ADAMTS12: variants seen among roughly 807,000 people sequenced by gnomAD.
ADAMTS12 encodes ADAM metallopeptidase with thrombospondin type 1 motif 12.
A neutral mutation model predicts 167.8 loss-of-function variants in ADAMTS12; 118 were observed. That is an observed-to-expected ratio of 0.70 (90% CI 0.61 to 0.82). The LOEUF (loss-of-function observed/expected upper bound fraction) is 0.82, where lower values mean the gene tolerates loss of function less well. ADAMTS12 is among the 40% of genes least tolerant of loss of function. ADAMTS12 has a pLI of 0.00. For synonymous variants in ADAMTS12, 704 were observed against 716.9 expected (o/e 0.98, Z 0.29); for missense variants, 1,916 against 1,998.8 (o/e 0.96, Z 0.79).
chr5:33,785,021 T>C (rs1260104815), intron 2 of ADAMTS12, among the ~76,000 whole-genome samples: 2 of 152,036 alleles, frequency 1.3e-5, no homozygotes, highest in Non-Finnish European at 2.9e-5. Flanking sequence ...CCCTTGCTCA[T>C]AGGTTAATTA....
rs548093400 is a variant in ADAMTS12 at position 33,872,233 on chromosome 5, G to A, written c.489+8886C>T. Among the ~76,000 whole-genome samples, 27 of 152,190 alleles carry A rather than the reference G, an allele frequency of 1.8e-4. 1 individual carries two copies. In the South Asian group the frequency reaches 1.9e-3, roughly 11 times the overall value. On this transcript the variant is annotated intron_variant, in intron 2 of 23. Transcript: ENST00000504830. ...GTGGGGCCAGCATCACCCTAACACC[G>A]AAACCAAAGTCATTACAAGAAAAGA...
At chr5:33,597,136 T>C (rs1391449284) in intron 16 of ADAMTS12, among the ~76,000 whole-genome samples, 1 of 152,108 alleles carries the variant, frequency 6.6e-6, no homozygotes, top group Non-Finnish European at 1.5e-5. Context: ...CACAGTGAAG[T>C]CACAAAGGTT....
At chr5:33,681,642 T>G (rs191653055) in intron 5 of ADAMTS12, among the ~76,000 whole-genome samples, 22 of 152,314 alleles carry the variant, frequency 1.4e-4, no homozygotes, top group Admixed American at 1.2e-3. Context: ...GCCATCATTC[T>G]GTGATGAAAA....
chr5:33,695,493 A>G (rs1235304905), intron 3 of ADAMTS12, among the ~76,000 whole-genome samples: 2 of 152,250 alleles, frequency 1.3e-5, no homozygotes, highest in East Asian at 3.8e-4. Context: ...TATACAATAC[A>G]ATGAAATATT....
chr5:33,751,534 T>G lies in ADAMTS12; in HGVS notation c.504A>C (p.Gln168His), dbSNP rs755596832. The G allele has an allele frequency of 6.2e-7, 1 of 1,613,918 alleles. No individual in the cohort carries two copies. Residue 168 changes from glutamine (Q) to histidine (H), a missense_variant, in exon 3 of 24, where the codon CAA (glutamine) becomes CAC (histidine). Physicochemically the swap from Gln to His is conservative, Grantham distance 24 (BLOSUM62 0). Coordinates refer to ENST00000504830, the MANE Select transcript of ADAMTS12 (RefSeq NM_030955.4). Reference protein sequence around the residue: ...SACHGLTGFFQLPHGDFFIEP... With the variant: ...SACHGLTGFFHLPHGDFFIEP... ...CAATGAAAAAGTCTCCATGTGGTAG[T>G]TGGAAAAATCCAGTCTGTAAATACA...
intron 13 of ADAMTS12, among the ~76,000 whole-genome samples, chr5:33,624,845 G>C (rs925480355): frequency 2.6e-5 from 4 of 152,144 alleles, no homozygotes; most frequent in African/African-American, 9.7e-5. Flanking sequence ...ATGACCAGAA[G>C]GGAAAGCTAT....
chr5:33,809,575 G>C (rs925263973), intron 2 of ADAMTS12, among the ~76,000 whole-genome samples: 3 of 152,060 alleles, frequency 2.0e-5, no homozygotes, highest in Admixed American at 6.6e-5. Flanking sequence ...TCTGAGGATT[G>C]AGCCTCTCAT....
chr5:33,724,855 GCTT>G (rs933373002), intron 3 of ADAMTS12, among the ~76,000 whole-genome samples: 83 of 152,234 alleles, frequency 5.5e-4, no homozygotes, highest in African/African-American at 1.9e-3. Flanking sequence ...CCGGCCAACA[GCTT>G]CTTATCAAAA....
chr5:33,840,659 G>C (rs1748715490), intron 2 of ADAMTS12, among the ~76,000 whole-genome samples: 1 of 152,226 alleles, frequency 6.6e-6, no homozygotes, highest in Non-Finnish European at 1.5e-5. Flanking sequence ...TGTACTAACA[G>C]TATTCAGCTC....
intron 1 of ADAMTS12, among the ~76,000 whole-genome samples, chr5:33,888,425 T>A (rs1161659930): frequency 1.3e-5 from 2 of 152,242 alleles, no homozygotes; most frequent in Non-Finnish European, 2.9e-5. Flanking sequence ...AACTTTATGA[T>A]AACTAATGTG....
At chr5:33,706,535 C>T (rs1013885637) in intron 3 of ADAMTS12, among the ~76,000 whole-genome samples, 1 of 151,976 alleles carries the variant, frequency 6.6e-6, no homozygotes, top group Non-Finnish European at 1.5e-5. Flanking sequence ...TTATTTTGGG[C>T]CTATGTGTGT....
At chr5:33,881,044 C>G in intron 2 of ADAMTS12, 75 bp downstream of exon 2, 1 of 1,552,468 alleles carries the variant, frequency 6.4e-7, no homozygotes, top group Admixed American at 1.9e-5. Flanking sequence ...ATCTGTGAAC[C>G]TGTTGGTAGT....
intron 3 of ADAMTS12, among the ~76,000 whole-genome samples, chr5:33,709,581 T>C (rs1743321127): frequency 6.6e-6 from 1 of 152,070 alleles, no homozygotes; most frequent in Non-Finnish European, 1.5e-5. Context: ...TGGAAGCCAT[T>C]ATCCTCAGCA....
chr5:33,650,405 A>C (rs770518045), intron 7 of ADAMTS12, among the ~76,000 whole-genome samples: 8 of 152,240 alleles, frequency 5.3e-5, no homozygotes, highest in African/African-American at 1.9e-4. Context: ...CTGGCAGATA[A>C]TAAGGGCTTC....
intron 12 of ADAMTS12, 84 bp from the exon 13 acceptor site, chr5:33,630,997 C>A: frequency 6.6e-7 from 1 of 1,517,036 alleles, no homozygotes; most frequent in South Asian, 1.3e-5. Flanking sequence ...ACTTAGGACC[C>A]CCAAGTGTCA....
intron 5 of ADAMTS12, among the ~76,000 whole-genome samples, chr5:33,666,761 G>T (rs575382577): frequency 7.4e-4 from 112 of 152,236 alleles, no homozygotes; most frequent in African/African-American, 2.6e-3. Context: ...AAAGTGCTGG[G>T]ATTACAGGCG....
At chr5:33,787,676 A>T (rs965860118) in intron 2 of ADAMTS12, among the ~76,000 whole-genome samples, 1 of 152,098 alleles carries the variant, frequency 6.6e-6, no homozygotes, top group African/African-American at 2.4e-5. Flanking sequence ...GGCCATTTTT[A>T]AAAAGGCCTA....
chr5:33,621,247 A>G (rs1029345085), intron 14 of ADAMTS12, among the ~76,000 whole-genome samples: 3 of 152,034 alleles, frequency 2.0e-5, no homozygotes, highest in Non-Finnish European at 4.4e-5. Flanking sequence ...AAAAAATACA[A>G]AAATTAGCCA....
intron 2 of ADAMTS12, among the ~76,000 whole-genome samples, chr5:33,754,192 G>A (rs1216673723): frequency 1.3e-5 from 2 of 152,118 alleles, no homozygotes; most frequent in African/African-American, 4.8e-5. Flanking sequence ...AGAAAGGGCT[G>A]GCCCCATACT....
Sources: gnomAD v4.1 joint callset for allele counts (sites outside exome capture counted in the v4.1 genomes callset) on GRCh38, gnomAD v4.1.1 for gene constraint, MANE v1.5 for transcripts, NCBI Gene and HGNC (gene_info 2026-07-23, HGNC 2026-07-21) for gene names.